CELSR1: variants seen among roughly 807,000 people sequenced by gnomAD.
CELSR1 encodes the protein adhesion G protein-coupled receptor C1.
In CELSR1, 110 loss-of-function variants were observed where a neutral mutation model predicts 249.1. That is an observed-to-expected ratio of 0.44 (90% CI 0.38 to 0.52). The LOEUF (loss-of-function observed/expected upper bound fraction) is 0.52. CELSR1 is among the 20% of genes least tolerant of loss of function. The pLI is 0.00. For synonymous variants in CELSR1, 2,113 were observed against 1,900.0 expected, an observed-to-expected ratio of 1.11 and a Z score of -2.92; for missense variants, 4,109 against 4,296.4, an observed-to-expected ratio of 0.96 and a Z score of 1.22.
chr22:46,381,049 T>C lies in CELSR1; in HGVS notation c.7089-94A>G. ...AATGCCCTGAGGACACGCCATGATG[T>C]GTTTCTAGGGGAGACAGAATCACAC... On this transcript the variant is annotated intron_variant, in intron 21 of 34. Transcript: ENST00000674500. The surrounding 1 kb of genome is among the most constrained non-coding windows in gnomAD (Gnocchi z 6.0). The C allele has an allele frequency of 1.5e-6, 2 of 1,314,686 alleles. No homozygotes were observed. The highest frequency in any genetic ancestry group is 2.1e-6 in the Non-Finnish European group (2 of 946,468). The allele number at this position is 1,314,686 out of a possible 1,614,324, so 81.4% of individuals were successfully genotyped here. A position where few individuals can be genotyped will look rare whatever the true frequency, so the allele number is the denominator to read the frequency against.
rs765711953 is a variant in CELSR1 at position 46,384,525 on chromosome 22, G to A, written c.6883+18C>T. On this transcript the variant is annotated intron_variant, in intron 20 of 34. Transcript: ENST00000674500. Reference sequence around the variant, plus strand: ...CTGGGGACTCCGAGGGCAGCAGCAGGTTTCTAAGCGGTTTTACCTTTTTCT... The same window carrying A: ...CTGGGGACTCCGAGGGCAGCAGCAGATTTCTAAGCGGTTTTACCTTTTTCT... 187 of 1,580,632 alleles carry A rather than the reference G, an allele frequency of 1.2e-4. No homozygotes were observed. Among genetic ancestry groups the A allele is most frequent in the Non-Finnish European group, 1.5e-4 (180 of 1,162,936 alleles).
rs954759062 is a variant in CELSR1, at chr22:46,433,560, C to T, written c.4523-79G>A. On this transcript the variant is annotated intron_variant, in intron 4 of 34. Transcript: ENST00000674500. This position sits in a 1 kb window ranked among gnomAD's most constrained non-coding sequence, Gnocchi z 5.7. Reference sequence around the variant, plus strand: ...GGGGACCGAGGATTGCGCTGTGAGGCATCAGGGGGAGACAGGTGCACATGG... The same window carrying T: ...GGGGACCGAGGATTGCGCTGTGAGGTATCAGGGGGAGACAGGTGCACATGG... The T allele has an allele frequency of 9.0e-6, 10 of 1,115,606 alleles. No homozygotes were observed. The highest frequency in any genetic ancestry group is 2.6e-5 in the East Asian group (1 of 38,866). 69.1% of individuals were successfully genotyped at this position (1,115,606 alleles called of 1,614,324 possible).
rs951312581 is a variant in CELSR1, at chr22:46,416,760, G to A, written c.4612-5001C>T. ...GTCCAGCCTCTTCTTATTTTCCTTC[G>A]AGGTATTTTCTTCCCTGCGTGCAGG... On this transcript the variant is annotated intron_variant, in intron 5 of 34. Coordinates refer to ENST00000674500, the MANE Select transcript of CELSR1 (RefSeq NM_001378328.1). Among the ~76,000 whole-genome samples, 9 of 152,076 alleles carry A rather than the reference G, an allele frequency of 5.9e-5. No homozygotes were observed. In the East Asian group the frequency reaches 7.7e-4, roughly 13 times the overall value.
chr22:46,526,055 T>C lies in CELSR1; in HGVS notation c.3544+7572A>G, dbSNP rs376631721. On this transcript the variant is annotated intron_variant, in intron 1 of 34. Coordinates refer to ENST00000674500, the MANE Select transcript of CELSR1 (RefSeq NM_001378328.1). This position sits in a 1 kb window ranked among gnomAD's most constrained non-coding sequence, Gnocchi z 4.7. ...CCTGGTCGGTACATGGGGCCAGACA[T>C]AGACCTCTTGTCCCCGGGCAGCTGG... 3.3e-5 allele frequency among the ~76,000 whole-genome samples: 5 copies of C among 152,322 alleles called. No homozygotes were observed. Among genetic ancestry groups the C allele is most frequent in the South Asian group, 2.1e-4 (1 of 4,828 alleles).
At position 46,372,896 on chromosome 22, in the gene CELSR1, C is replaced by A. The variant is rs766319726; in HGVS notation, c.7746G>T (p.Pro2582=). Residue 2582 remains proline, a synonymous_variant, in exon 25 of 35, where the codon CCG becomes CCT. Transcript: ENST00000674500. ...RFYYVVGWGI[P]AIVTGLAVGL... is the part of the protein sequence containing the mutation. ...GTGCATCCTCACCTGTGACAATGGC[C>A]GGGATGCCCCAGCCCACGACGTAGT... The A allele has an allele frequency of 6.2e-7, 1 of 1,606,864 alleles. No homozygotes were observed. Among genetic ancestry groups the A allele is most frequent in the Non-Finnish European group, 8.5e-7 (1 of 1,175,892 alleles).
intron 1 of CELSR1, among the ~76,000 whole-genome samples, chr22:46,525,114 C>T (rs2080725912): frequency 6.6e-6 from 1 of 152,300 alleles, no homozygotes; most frequent in East Asian, 1.9e-4. Flanking sequence ...TGAATTTCCT[C>T]CCAAAACAAG....
rs1035713892 is a variant in CELSR1, at chr22:46,380,440, C to T, written c.7256+348G>A. Among the ~76,000 whole-genome samples the T allele has an allele frequency of 5.9e-5, 9 of 152,216 alleles. No homozygotes were observed. Among genetic ancestry groups the T allele is most frequent in the Non-Finnish European group, 1.2e-4 (8 of 68,040 alleles). On this transcript the variant is annotated intron_variant, in intron 22 of 34. Transcript: ENST00000674500. The surrounding 1 kb of genome is among the most constrained non-coding windows in gnomAD (Gnocchi z 5.1). Reference sequence around the variant, plus strand: ...GTGACCGGAATGGGCCTGTCTTATCCGGCGGTGAACTGGGCACTACACTAG... The same window carrying T: ...GTGACCGGAATGGGCCTGTCTTATCTGGCGGTGAACTGGGCACTACACTAG...
Position 46,364,705 on chromosome 22 carries a change from G to C in CELSR1, c.8586C>G (p.Gly2862=), listed in dbSNP as rs1569101428. The C allele has an allele frequency of 6.2e-7, 1 of 1,612,442 alleles. No homozygotes were observed. Among genetic ancestry groups the C allele is most frequent in the Non-Finnish European group, 8.5e-7 (1 of 1,179,840 alleles). ...TCTCAGCCAGGCTCTGGTCGGGCCAGCCGGCCGGAACGTGGTTGGCCACAG... is the reference window on the plus strand; with the variant it reads ...TCTCAGCCAGGCTCTGGTCGGGCCACCCGGCCGGAACGTGGTTGGCCACAG... ...GDAVANHVPA[G]WPDQSLAESD... The change falls in exon 33 of 35, where the codon GGC becomes GGG. Residue 2862 remains glycine, a synonymous_variant. Transcript: ENST00000674500.
chr22:46,498,291 CAAAAAAAAAAA>C lies in CELSR1; in HGVS notation c.3545-33957_3545-33947del, dbSNP rs757698564. ...AAAAAAAAAAAGCGAAACTCTGTCT[CAAAAAAAAAAA>C]AAAAAAAAAAAAGATAGTCCAGTGG... On this transcript the variant is annotated intron_variant, in intron 1 of 34. Transcript: ENST00000674500. 4.1e-3 allele frequency among the ~76,000 whole-genome samples: 46 copies of C among 11,332 alleles called. 2 individuals carry two copies. The highest frequency in any genetic ancestry group is 0.015 in the African/African-American group (35 of 2,376). 7.4% of individuals were successfully genotyped at this position (11,332 alleles called of 152,430 possible). A position where few individuals can be genotyped will look rare whatever the true frequency, so the allele number is the denominator to read the frequency against.
rs1386437641 is a variant in CELSR1, at chr22:46,536,063, A to G, written c.1108T>C (p.Tyr370His). The change falls in exon 1 of 35, where the codon TAC (tyrosine) becomes CAC (histidine). Residue 370 changes from tyrosine to histidine, a missense_variant. Physicochemically the swap from Tyr to His is moderately conservative, Grantham distance 83. Around this residue, in one of 7 missense-constraint regions of CELSR1, gnomAD observed 673 missense variants for 636.8 expected, o/e 1.06. Coordinates refer to ENST00000674500, the MANE Select transcript of CELSR1 (RefSeq NM_001378328.1). ...CTGGCGCGGATGGTCAGCACCTCGTAGCCCACCTCCAGGTTCTCCCGCACG... is the reference window on the plus strand; with the variant it reads ...CTGGCGCGGATGGTCAGCACCTCGTGGCCCACCTCCAGGTTCTCCCGCACG... ...ERVRENLEVG[Y>H]EVLTIRASDR... 2.5e-6 allele frequency: 4 copies of G among 1,611,180 alleles called. No individual in the cohort carries two copies. Among genetic ancestry groups the G allele is most frequent in the South Asian group, 1.1e-5 (1 of 91,074 alleles).
chr22:46,449,193 ACATC>A (rs1312879673), intron 2 of CELSR1, among the ~76,000 whole-genome samples: 2 of 150,732 alleles, frequency 1.3e-5, no homozygotes, highest in Admixed American at 6.6e-5. Flanking sequence ...CACCCATCAC[ACATC>A]CATCCATCCA....
In CELSR1 at chr22:46,398,510, C is replaced by A. The variant is rs767720980; in HGVS notation, c.5526+14G>T. ...GGGGCAGGCCTCCCCCCGCCCCCCA[C>A]AACCCCCACGCACCTGCATGCAGCC... On this transcript the variant is annotated intron_variant, in intron 11 of 34. Coordinates refer to ENST00000674500, the MANE Select transcript of CELSR1 (RefSeq NM_001378328.1). This position sits in a 1 kb window ranked among gnomAD's most constrained non-coding sequence, Gnocchi z 7.2. 1.9e-6 allele frequency: 3 copies of A among 1,574,396 alleles called. No homozygotes were observed. The highest frequency in any genetic ancestry group is 1.1e-5 in the South Asian group (1 of 87,312).
rs772448743 is a variant in CELSR1 at position 46,463,765 on chromosome 22, G to A, written c.4125C>T (p.Asn1375=). 1.7e-5 allele frequency: 26 copies of A among 1,552,510 alleles called. No individual in the cohort carries two copies. The South Asian group carries it at 2.0e-4, about 12-fold the overall frequency. Residue 1375 remains asparagine, a synonymous_variant, in exon 2 of 35, where the codon AAC becomes AAT. Transcript: ENST00000674500. The part of the protein sequence containing the change: ...DLCYSDPCGA[N]GRCRSREGGY... ...CGCCCTCGCGGCTGCGGCAGCGGCC[G>A]TTGGCGCCGCACGGGTCGGAGTAGC...
chr22:46,499,185 T>TAAAA (rs10606942), intron 1 of CELSR1, among the ~76,000 whole-genome samples: 1 of 130,958 alleles, frequency 7.6e-6, no homozygotes, highest in African/African-American at 2.9e-5. Flanking sequence ...GTTGCAAATC[T>TAAAA]AAAAAAAAAA....
intron 5 of CELSR1, among the ~76,000 whole-genome samples, chr22:46,421,443 C>G (rs1329861906): frequency 3.3e-5 from 5 of 152,220 alleles, no homozygotes. Flanking sequence ...TTCTGTAACA[C>G]AAAGGCCCAG....
At chr22:46,461,686 C>T (rs1265989331) in intron 2 of CELSR1, among the ~76,000 whole-genome samples, 1 of 152,212 alleles carries the variant, frequency 6.6e-6, no homozygotes, top group South Asian at 2.1e-4. Context: ...TGGCTGTGTG[C>T]GCTGGCCTGG....
At chr22:46,403,547 ACT>A (rs541243348) in intron 9 of CELSR1, among the ~76,000 whole-genome samples, 27 of 151,272 alleles carry the variant, frequency 1.8e-4, no homozygotes, top group Non-Finnish European at 2.7e-4. Flanking sequence ...ACAGAGCAAG[ACT>A]CTGTCACACA....
At chr22:46,465,434 G>A (rs767861854) in intron 1 of CELSR1, among the ~76,000 whole-genome samples, 6 of 152,158 alleles carry the variant, frequency 3.9e-5, no homozygotes, top group Non-Finnish European at 8.8e-5. Context: ...CAGTCAGGAG[G>A]ACAGGAGCTG....
chr22:46,439,101 C>T (rs2079705047), intron 3 of CELSR1, 88 bp downstream of exon 3: 25 of 1,266,212 alleles, frequency 2.0e-5, no homozygotes, highest in East Asian at 4.7e-5. Context: ...AGGACATCAA[C>T]GTCACGATCT....
Sources: gnomAD v4.1 joint callset for allele counts (sites outside exome capture counted in the v4.1 genomes callset) on GRCh38, gnomAD v4.1.1 for gene constraint, gnomAD v4.1.1 regional missense constraint, Gnocchi (gnomAD v3.1) non-coding constraint, MANE v1.5 for transcripts, NCBI Gene and HGNC (gene_info 2026-07-23, HGNC 2026-07-21) for gene names.